The following CCDC15 variants were observed in gnomAD, a reference collection of about 807,000 sequenced individuals.
CCDC15 encodes coiled-coil domain containing 15.
A neutral mutation model predicts 114.5 loss-of-function variants in CCDC15; 105 were observed. That is an observed-to-expected ratio of 0.92 (90% CI 0.78 to 1.08). CCDC15 has a LOEUF of 1.08. Ranked by LOEUF, CCDC15 falls within the 50% of genes least tolerant of loss-of-function variation. The pLI, the probability that CCDC15 is intolerant of heterozygous loss-of-function variation, is 0.00. For missense variants in CCDC15, 1,105 were observed against 1,093.6 expected, an observed-to-expected ratio of 1.01 and a Z score of -0.15; for synonymous variants, 334 against 377.8, an observed-to-expected ratio of 0.88 and a Z score of 1.34.
intron 11 of CCDC15, among the ~76,000 whole-genome samples, chr11:124,998,505 T>C (rs1397812279): frequency 1.3e-5 from 2 of 152,164 alleles, no homozygotes; most frequent in South Asian, 2.1e-4. Flanking sequence ...TATCTTATAA[T>C]AGTTGCTGTG....
At chr11:125,004,467 G>A (rs1222172734) in intron 12 of CCDC15, among the ~76,000 whole-genome samples, 1 of 152,016 alleles carries the variant, frequency 6.6e-6, no homozygotes, top group East Asian at 1.9e-4. Context: ...AGTATTAAGA[G>A]CTACTATTTA....
intron 13 of CCDC15, among the ~76,000 whole-genome samples, chr11:125,010,410 C>T (rs956712306): frequency 2.3e-4 from 35 of 150,004 alleles, no homozygotes; most frequent in African/African-American, 8.6e-4. Context: ...TGGAGTCTCA[C>T]TCTGTCCAGT....
At chr11:125,010,677 T>G (rs1948584406) in intron 13 of CCDC15, among the ~76,000 whole-genome samples, 2 of 152,174 alleles carry the variant, frequency 1.3e-5, no homozygotes, top group Admixed American at 1.3e-4. Context: ...TTTAAATTCC[T>G]TATAGATACT....
At chr11:124,981,003 T>G (rs1948064567) in intron 6 of CCDC15, among the ~76,000 whole-genome samples, 1 of 152,244 alleles carries the variant, frequency 6.6e-6, no homozygotes, top group Admixed American at 6.5e-5. Context: ...GATTTCTGCC[T>G]TAATTTCATT....
chr11:124,966,338 A>G (rs1947781741), intron 4 of CCDC15, among the ~76,000 whole-genome samples: 1 of 152,162 alleles, frequency 6.6e-6, no homozygotes, highest in Admixed American at 6.5e-5. Flanking sequence ...TATTGGGTGT[A>G]TATACATTTA....
chr11:125,009,244 T>C (rs1196649454), intron 13 of CCDC15, among the ~76,000 whole-genome samples: 1 of 151,372 alleles, frequency 6.6e-6, no homozygotes. Flanking sequence ...AAAAAAAAAG[T>C]TATAATGAAA....
At position 125,040,855 on chromosome 11, in the gene CCDC15, G is replaced by C; in HGVS notation, c.*144G>C. ...ATATAATAATTAGATTGTAATCATT[G>C]TTTTAATCTCTGTCTGGGAACCAAG... On this transcript the variant is annotated 3_prime_UTR_variant, in exon 16 of 16. Coordinates refer to ENST00000344762, the MANE Select transcript of CCDC15 (RefSeq NM_025004.3). 1 of 754,784 alleles carries C rather than the reference G, an allele frequency of 1.3e-6. No homozygotes were observed. The allele number at this position is 754,784 out of a possible 1,614,324, so 46.8% of individuals were successfully genotyped here.
intron 8 of CCDC15, among the ~76,000 whole-genome samples, chr11:124,988,950 C>T (rs114764518): frequency 0.014 from 2,137 of 152,206 alleles, 50 homozygotes; most frequent in African/African-American, 0.048. Flanking sequence ...CATGAGGGTT[C>T]GAATCAACTT....
At chr11:125,024,936 G>A (rs1948685274) in intron 13 of CCDC15, among the ~76,000 whole-genome samples, 1 of 145,694 alleles carries the variant, frequency 6.9e-6, no homozygotes, top group Admixed American at 6.9e-5. Flanking sequence ...CTGAGAAAGT[G>A]TTCTCTTCCT....
intron 5 of CCDC15, 117 bp downstream of exon 5, chr11:124,975,326 C>A (rs1947956044): frequency 1.8e-6 from 1 of 543,982 alleles, no homozygotes; most frequent in Non-Finnish European, 3.0e-6. Context: ...GCCTTAAATA[C>A]CCAATAGTAG....
chr11:125,009,649 C>T (rs1003005725), intron 13 of CCDC15, among the ~76,000 whole-genome samples: 7 of 152,082 alleles, frequency 4.6e-5, no homozygotes, highest in African/African-American at 1.7e-4. Context: ...AGCCTTTTCT[C>T]CTCCCCTATC....
intron 4 of CCDC15, among the ~76,000 whole-genome samples, chr11:124,965,251 G>T (rs1947753673): frequency 6.6e-6 from 1 of 152,094 alleles, no homozygotes; most frequent in Non-Finnish European, 1.5e-5. Context: ...GTAGAATTTG[G>T]CTGTGAATCC....
At chr11:124,970,118 C>G (rs908729020) in intron 4 of CCDC15, among the ~76,000 whole-genome samples, 14 of 152,164 alleles carry the variant, frequency 9.2e-5, no homozygotes, top group Non-Finnish European at 1.9e-4. Flanking sequence ...CATTTCTCTA[C>G]CATTAACTGG....
chr11:125,022,669 G>A (rs1025317481), intron 13 of CCDC15, among the ~76,000 whole-genome samples: 6 of 151,944 alleles, frequency 3.9e-5, no homozygotes, highest in Admixed American at 2.0e-4. Context: ...AATTCCCCTG[G>A]AGTCAATAGC....
At chr11:124,984,476 C>T (rs771847380) in intron 6 of CCDC15, among the ~76,000 whole-genome samples, 5 of 152,122 alleles carry the variant, frequency 3.3e-5, no homozygotes, top group Admixed American at 2.0e-4. Context: ...TGTTCACGTC[C>T]GACAGTTCCC....
intron 10 of CCDC15, 29 bp downstream of exon 10, chr11:124,992,716 A>G (rs1490061626): frequency 4.0e-6 from 5 of 1,242,426 alleles, no homozygotes; most frequent in East Asian, 4.9e-5. Context: ...GGAGGACTGT[A>G]TACCTTCTAA....
chr11:125,000,399 C>T, intron 11 of CCDC15, among the ~76,000 whole-genome samples: 1 of 152,074 alleles, frequency 6.6e-6, no homozygotes, highest in East Asian at 1.9e-4. Context: ...GAGATATATG[C>T]CAGTTCACAC....
chr11:125,000,841 G>T (rs537688458), intron 11 of CCDC15, among the ~76,000 whole-genome samples: 1 of 152,280 alleles, frequency 6.6e-6, no homozygotes, highest in East Asian at 1.9e-4. Context: ...CTGAATTTTT[G>T]CTCCTAGGGG....
In CCDC15 at chr11:125,029,307, G is replaced by T. The variant is rs187959836; in HGVS notation, c.2412-9124G>T. On this transcript the variant is annotated intron_variant, in intron 13 of 15. Transcript: ENST00000344762. ...ATTAACCATCACAAGTCTACCACTTGTCAACTTGAGCCCATACACATCTCC... is the reference window on the plus strand; with the variant it reads ...ATTAACCATCACAAGTCTACCACTTTTCAACTTGAGCCCATACACATCTCC... Among the ~76,000 whole-genome samples, 248 of 152,234 alleles carry T rather than the reference G, an allele frequency of 1.6e-3. 2 individuals carry two copies. Among genetic ancestry groups the T allele is most frequent in the South Asian group, 0.012 (57 of 4,816 alleles).
Sources: allele counts gnomAD v4.1 joint callset (sites outside exome capture counted in the v4.1 genomes callset), GRCh38; gene constraint gnomAD v4.1.1; transcripts MANE v1.5; gene names NCBI Gene and HGNC (gene_info 2026-07-23, HGNC 2026-07-21).